MYO16: variants seen among roughly 807,000 people sequenced by gnomAD.
MYO16 encodes the protein unconventional myosin-XVI.
A neutral mutation model predicts 205.3 loss-of-function variants in MYO16; 94 were observed. The ratio of observed to expected loss-of-function variants is 0.46; its 90% CI spans 0.39 to 0.54. MYO16 has a LOEUF of 0.54. Ranked by LOEUF, MYO16 falls within the 20% of genes least tolerant of loss-of-function variation. The probability of loss-of-function intolerance (pLI) is 0.00; values close to 1 mark genes in which losing one functional copy is unlikely to be tolerated. For missense variants in MYO16, 2,315 were observed against 2,387.5 expected, an observed-to-expected ratio of 0.97 and a Z score of 0.63; for synonymous variants, 988 against 954.0, an observed-to-expected ratio of 1.04 and a Z score of -0.66.
intron 16 of MYO16, among the ~76,000 whole-genome samples, chr13:108,955,156 G>T (rs373161557): frequency 6.6e-6 from 1 of 152,202 alleles, no homozygotes; most frequent in Admixed American, 6.5e-5. Context: ...AGCCTTCAGG[G>T]TCATGTTTGT....
At chr13:108,634,183 G>A (rs900918971) in intron 1 of MYO16, among the ~76,000 whole-genome samples, 5 of 152,100 alleles carry the variant, frequency 3.3e-5, no homozygotes, top group South Asian at 2.1e-4. Context: ...CGGTAGGCAC[G>A]ACTGCTCATG....
chr13:109,107,220 T>C (rs1889146436), intron 28 of MYO16, among the ~76,000 whole-genome samples: 1 of 152,246 alleles, frequency 6.6e-6, no homozygotes, highest in South Asian at 2.1e-4. Context: ...TTTTCCTATT[T>C]GTGTTTACTT....
At chr13:109,179,188 T>C (rs2149517) in intron 33 of MYO16, among the ~76,000 whole-genome samples, 151,403 of 152,286 alleles carry the variant, frequency 0.99, 75,268 homozygotes, top group Middle Eastern at 1. Flanking sequence ...GTCACCCTAG[T>C]GACTCAGTGG....
chr13:108,665,303 G>T (rs573993105), intron 1 of MYO16, among the ~76,000 whole-genome samples: 2 of 152,042 alleles, frequency 1.3e-5, no homozygotes, highest in African/African-American at 4.8e-5. Flanking sequence ...AGAGATGGGG[G>T]TCTTCCTATT....
chr13:108,876,107 A>G (rs1390863238), intron 12 of MYO16, among the ~76,000 whole-genome samples: 3 of 144,900 alleles, frequency 2.1e-5, no homozygotes, highest in Non-Finnish European at 4.5e-5. Flanking sequence ...GATCTGCTGG[A>G]CAAGCTGGAC....
intron 28 of MYO16, among the ~76,000 whole-genome samples, chr13:109,117,675 A>G (rs952157314): frequency 1.3e-5 from 2 of 151,944 alleles, no homozygotes; most frequent in Admixed American, 1.3e-4. Flanking sequence ...AGTAATGGAG[A>G]TGAGGTTTGA....
chr13:108,828,751 T>C (rs1315529930), intron 9 of MYO16, among the ~76,000 whole-genome samples: 6 of 152,138 alleles, frequency 3.9e-5, no homozygotes, highest in African/African-American at 1.4e-4. Context: ...AATGATGGCA[T>C]CATTGATGCC....
chr13:108,801,721 T>C (rs557590248), intron 6 of MYO16, among the ~76,000 whole-genome samples: 1 of 152,320 alleles, frequency 6.6e-6, no homozygotes, highest in East Asian at 1.9e-4. Flanking sequence ...CCTTAAACTC[T>C]GAGTTATCAT....
chr13:108,868,789 C>A (rs1878852950), intron 12 of MYO16, among the ~76,000 whole-genome samples: 1 of 150,958 alleles, frequency 6.6e-6, no homozygotes, highest in Non-Finnish European at 1.5e-5. Context: ...AGCATGGTGG[C>A]AGGTGACGTA....
At chr13:109,188,403 G>A (rs141561951) in intron 34 of MYO16, among the ~76,000 whole-genome samples, 239 of 152,190 alleles carry the variant, frequency 1.6e-3, no homozygotes, top group Non-Finnish European at 2.8e-3. Context: ...TTTGACATGA[G>A]ATTTCTGTAG....
At chr13:108,500,027 T>G in the MYO16 span, among the ~76,000 whole-genome samples, 1 of 151,368 alleles carries the variant, frequency 6.6e-6, no homozygotes, top group Non-Finnish European at 1.5e-5. Flanking sequence ...CTTCCTTTCT[T>G]TCCTGTGGTC....
chr13:109,009,834 C>G (rs1336702886), intron 22 of MYO16, among the ~76,000 whole-genome samples: 1 of 152,156 alleles, frequency 6.6e-6, no homozygotes, highest in Non-Finnish European at 1.5e-5. Flanking sequence ...CAGCATTCTT[C>G]TTTTTCTAAA....
upstream of MYO16, among the ~76,000 whole-genome samples, chr13:108,626,984 A>C (rs1235173764): frequency 6.8e-6 from 1 of 146,220 alleles, no homozygotes; most frequent in Non-Finnish European, 1.5e-5. Flanking sequence ...TATTATATAT[A>C]TATATGATTG....
At chr13:108,682,857 T>G (rs1005198550) in intron 2 of MYO16, among the ~76,000 whole-genome samples, 8 of 152,178 alleles carry the variant, frequency 5.3e-5, no homozygotes, top group Admixed American at 5.2e-4. Flanking sequence ...AGTGGAAGAA[T>G]GTGCTTGGTC....
intron 1 of MYO16, among the ~76,000 whole-genome samples, chr13:108,608,802 C>T (rs979752152): frequency 5.9e-5 from 9 of 151,974 alleles, no homozygotes; most frequent in Admixed American, 2.6e-4. Flanking sequence ...ACCACCATGC[C>T]CAGCTAATTT....
At chr13:108,910,477 T>C (rs1881203752) in intron 16 of MYO16, among the ~76,000 whole-genome samples, 1 of 152,202 alleles carries the variant, frequency 6.6e-6, no homozygotes, top group Non-Finnish European at 1.5e-5. Flanking sequence ...TTTGAGATAA[T>C]GGGCAATGTT....
At chr13:108,869,137 C>T (rs1878880222) in intron 12 of MYO16, among the ~76,000 whole-genome samples, 1 of 152,048 alleles carries the variant, frequency 6.6e-6, no homozygotes, top group African/African-American at 2.4e-5. Flanking sequence ...ATCAGCTTGT[C>T]AATTTTGGGG....
intron 1 of MYO16, among the ~76,000 whole-genome samples, chr13:108,643,326 C>T (rs149559073): frequency 2.0e-3 from 300 of 152,292 alleles, no homozygotes; most frequent in Middle Eastern, 6.8e-3. Context: ...TTGTTGTCTA[C>T]CAATGCTTCT....
At position 109,063,309 on chromosome 13, in the gene MYO16, G is replaced by A. The variant is rs74417820; in HGVS notation, c.3335+7714G>A. ...ATATTTTTTTCTGTTTATTACTTGTGTAATACAGCTTCAGAGCGGGATTAT... is the reference window on the plus strand; with the variant it reads ...ATATTTTTTTCTGTTTATTACTTGTATAATACAGCTTCAGAGCGGGATTAT... On this transcript the variant is annotated intron_variant, in intron 27 of 34. Coordinates refer to ENST00000457511, the MANE Select transcript of MYO16 (RefSeq NM_001198950.3). Among the ~76,000 whole-genome samples the A allele has an allele frequency of 2.6e-5, 4 of 152,226 alleles. No individual in the cohort carries two copies. The East Asian group carries it at 7.7e-4, about 29-fold the overall frequency.
Sources: gnomAD v4.1 joint callset for allele counts (sites outside exome capture counted in the v4.1 genomes callset) on GRCh38, gnomAD v4.1.1 for gene constraint, MANE v1.5 for transcripts, NCBI Gene and HGNC (gene_info 2026-07-23, HGNC 2026-07-21) for gene names.